RBM19: variants seen among roughly 807,000 people sequenced by gnomAD.
The protein encoded by RBM19 is probable RNA-binding protein 19.
Under a neutral mutation model 116.8 loss-of-function variants are expected in RBM19, and 94 were observed. That is an observed-to-expected ratio of 0.80 (90% CI 0.68 to 0.95). The LOEUF is 0.95. Among genes scored for constraint, RBM19 ranks in the 40% least tolerant of loss-of-function variants. The pLI is 0.00. For missense variants in RBM19, 1,161 were observed against 1,220.7 expected, an observed-to-expected ratio of 0.95 and a Z score of 0.73; for synonymous variants, 475 against 494.1, an observed-to-expected ratio of 0.96 and a Z score of 0.51.
intron 21 of RBM19, among the ~76,000 whole-genome samples, chr12:113,869,012 C>G (rs534888642): frequency 6.6e-6 from 1 of 152,278 alleles, no homozygotes; most frequent in South Asian, 2.1e-4. Flanking sequence ...GTCGTTGAAT[C>G]CAGGTTCCTG....
rs1876735617 is a variant in RBM19, at chr12:113,844,090, G to A, written c.2785+578C>T. On this transcript the variant is annotated intron_variant, in intron 23 of 23. Coordinates refer to ENST00000261741, the MANE Select transcript of RBM19 (RefSeq NM_016196.4). ...GTGGGTGCATGAGGTCACAGCGGGC[G>A]CTCAGTATTTTCTGGCCACCACCTG... 2.6e-5 allele frequency among the ~76,000 whole-genome samples: 4 copies of A among 152,232 alleles called. No homozygotes were observed. In the South Asian group the frequency reaches 8.3e-4, roughly 32 times the overall value.
At chr12:113,838,992 A>G (rs1876210280) in intron 23 of RBM19, among the ~76,000 whole-genome samples, 2 of 152,196 alleles carry the variant, frequency 1.3e-5, no homozygotes, top group Non-Finnish European at 2.9e-5. Flanking sequence ...GGCCCTGCCG[A>G]ATGGTTAAGA....
intron 6 of RBM19, among the ~76,000 whole-genome samples, chr12:113,955,471 G>A (rs972103210): frequency 6.6e-6 from 1 of 151,986 alleles, no homozygotes; most frequent in Non-Finnish European, 1.5e-5. Context: ...AGGGACCCTG[G>A]GGCTACAAGG....
chr12:113,933,638 T>A (rs768237739), intron 16 of RBM19, among the ~76,000 whole-genome samples: 16 of 152,054 alleles, frequency 1.1e-4, no homozygotes, highest in Non-Finnish European at 2.1e-4. Flanking sequence ...AAACCTACAA[T>A]GTAGACCCAG....
Position 113,957,998 on chromosome 12 carries a change from C to T in RBM19, c.624G>A (p.Met208Ile). The change falls in exon 6 of 24, where the codon ATG becomes ATA. Residue 208 changes from methionine to isoleucine, a missense_variant. Met to Ile is a conservative substitution (Grantham distance 10). Coordinates refer to ENST00000261741, the MANE Select transcript of RBM19 (RefSeq NM_016196.4). ...TCACCATCTTGGATTTCAGGTAATC[C>T]ATGTCCGACAGCTCCTTCTGCACAG... ...KAAVQKELSD[M>I]DYLKSKMVKA... The T allele has an allele frequency of 6.2e-7, 1 of 1,614,138 alleles. No individual in the cohort carries two copies. Among genetic ancestry groups the T allele is most frequent in the Non-Finnish European group, 8.5e-7 (1 of 1,179,996 alleles).
At chr12:113,824,135 C>T (rs538792996) in intron 23 of RBM19, among the ~76,000 whole-genome samples, 1 of 152,158 alleles carries the variant, frequency 6.6e-6, no homozygotes, top group African/African-American at 2.4e-5. Flanking sequence ...TGATTAGGTA[C>T]CATCATGAAC....
chr12:113,959,733 C>T, intron 4 of RBM19, 132 bp downstream of exon 4: 2 of 1,158,938 alleles, frequency 1.7e-6, no homozygotes, highest in Non-Finnish European at 2.5e-6. Context: ...CTTCCCTTTC[C>T]TAGCCTCCAC....
intron 8 of RBM19, among the ~76,000 whole-genome samples, 190 bp from the exon 9 acceptor site, chr12:113,950,344 G>A (rs912303497): frequency 2.0e-5 from 3 of 152,184 alleles, no homozygotes; most frequent in Non-Finnish European, 4.4e-5. Flanking sequence ...CCTCTGCAGG[G>A]AGTGTACAGA....
At position 113,959,409 on chromosome 12, in the gene RBM19, T is replaced by C. The variant is rs1566044576; in HGVS notation, c.379-5A>G. ...GAACTCTGTATCCTCCTTCAGCTGG[T>C]GGCACCAGAACCCGGGCGGCAGGGA... On this transcript the variant is annotated splice_polypyrimidine_tract_variant and splice_region_variant and intron_variant, in intron 4 of 23. Transcript: ENST00000261741. 1 of 1,596,674 alleles carries C rather than the reference T, an allele frequency of 6.3e-7. No individual in the cohort carries two copies. Among genetic ancestry groups the C allele is most frequent in the East Asian group, 2.3e-5 (1 of 44,368 alleles).
chr12:113,946,162 T>C (rs1207515366), intron 12 of RBM19, among the ~76,000 whole-genome samples, 192 bp downstream of exon 12: 1 of 152,216 alleles, frequency 6.6e-6, no homozygotes, highest in Non-Finnish European at 1.5e-5. Flanking sequence ...CATTCACTCA[T>C]TTAAACCTTA....
intron 23 of RBM19, 102 bp from the exon 24 acceptor site, chr12:113,823,423 A>G: frequency 4.1e-6 from 4 of 983,188 alleles, no homozygotes; most frequent in Non-Finnish European, 6.2e-6. Flanking sequence ...GGGAGAGATG[A>G]GCAGAACAAG....
chr12:113,870,057 T>G (rs904361439), intron 21 of RBM19, among the ~76,000 whole-genome samples: 2 of 152,110 alleles, frequency 1.3e-5, no homozygotes, highest in African/African-American at 4.8e-5. Context: ...GAAGATGAAG[T>G]TCCAGGATCC....
At chr12:113,908,378 C>T (rs1019063469) in intron 21 of RBM19, among the ~76,000 whole-genome samples, 6 of 151,944 alleles carry the variant, frequency 3.9e-5, no homozygotes, top group Non-Finnish European at 8.8e-5. Flanking sequence ...CCTCCTTCCA[C>T]TGTCACGGCC....
chr12:113,884,668 C>T (rs1880403770), intron 21 of RBM19, among the ~76,000 whole-genome samples: 1 of 152,054 alleles, frequency 6.6e-6, no homozygotes, highest in Admixed American at 6.5e-5. Flanking sequence ...ACTAGGGCTC[C>T]CTGGAGAAAT....
At chr12:113,856,678 G>C (rs1877927121) in intron 22 of RBM19, among the ~76,000 whole-genome samples, 1 of 152,154 alleles carries the variant, frequency 6.6e-6, no homozygotes, top group Non-Finnish European at 1.5e-5. Flanking sequence ...CCAGTGGGTG[G>C]GTGAGAAAAG....
chr12:113,912,517 C>T (rs1024345345), intron 21 of RBM19, among the ~76,000 whole-genome samples: 3 of 152,204 alleles, frequency 2.0e-5, no homozygotes, highest in South Asian at 2.1e-4. Context: ...CCCCATTCAG[C>T]GGCATGGTCC....
At chr12:113,859,062 C>G (rs1266195021) in intron 21 of RBM19, among the ~76,000 whole-genome samples, 166 bp from the exon 22 acceptor site, 1 of 152,256 alleles carries the variant, frequency 6.6e-6, no homozygotes, top group East Asian at 1.9e-4. Flanking sequence ...GAGCAGCCTT[C>G]TCCTCCCAGG....
chr12:113,873,108 G>A (rs1248413544), intron 21 of RBM19, among the ~76,000 whole-genome samples: 12 of 123,154 alleles, frequency 9.7e-5, no homozygotes, highest in South Asian at 3.0e-4. Flanking sequence ...GGTGAGGGGC[G>A]CCTCTGCCCG....
chr12:113,919,553 A>AGAGT (rs1491442145), intron 19 of RBM19, among the ~76,000 whole-genome samples: 2 of 152,242 alleles, frequency 1.3e-5, no homozygotes, highest in African/African-American at 4.8e-5. Flanking sequence ...CCTGGGCGAC[A>AGAGT]GAGTGAGACT....
Sources: gnomAD v4.1 joint callset for allele counts (sites outside exome capture counted in the v4.1 genomes callset) on GRCh38, gnomAD v4.1.1 for gene constraint, MANE v1.5 for transcripts, NCBI Gene and HGNC (gene_info 2026-07-23, HGNC 2026-07-21) for gene names.